The following CORO1C variants were observed in gnomAD, a reference collection of about 807,000 sequenced individuals.
CORO1C encodes the protein coronin-1C.
In CORO1C, 14 loss-of-function variants were observed where a neutral mutation model predicts 51.2. The observed-to-expected ratio is 0.27, with a 90% CI of 0.18 to 0.43. The LOEUF (loss-of-function observed/expected upper bound fraction) is 0.43, where lower values mean the gene tolerates loss of function less well. Ranked by LOEUF, CORO1C falls within the 20% of genes least tolerant of loss-of-function variation. The pLI, the probability that CORO1C is intolerant of heterozygous loss-of-function variation, is 1.00. For synonymous variants in CORO1C, 181 were observed against 210.5 expected (o/e 0.86, Z 1.21); for missense variants, 417 against 607.8 (o/e 0.69, Z 3.30).
At chr12:108,674,624 C>T (rs929571513) in intron 3 of CORO1C, among the ~76,000 whole-genome samples, 2 of 150,524 alleles carry the variant, frequency 1.3e-5, no homozygotes, top group Non-Finnish European at 2.9e-5. Flanking sequence ...ATTCATGATT[C>T]GTGGAAGGAG....
chr12:108,684,061 T>G (rs1224187422), intron 2 of CORO1C, among the ~76,000 whole-genome samples: 2 of 152,088 alleles, frequency 1.3e-5, no homozygotes, highest in Non-Finnish European at 2.9e-5. Context: ...ACAGACAAGT[T>G]ACAAAGTGCA....
intron 1 of CORO1C, among the ~76,000 whole-genome samples, chr12:108,709,386 C>T (rs1478373185): frequency 6.6e-6 from 1 of 152,124 alleles, no homozygotes; most frequent in African/African-American, 2.4e-5. Flanking sequence ...GAACCGGCAC[C>T]ACTTATCAAG....
chr12:108,649,381 G>T (rs1459235472), intron 8 of CORO1C: 2 of 309,222 alleles, frequency 6.5e-6, no homozygotes, highest in South Asian at 7.4e-5. Flanking sequence ...CTACAGGAGA[G>T]AACACACATC....
chr12:108,725,982 G>A (rs1012860699), intron 1 of CORO1C, among the ~76,000 whole-genome samples: 5 of 151,924 alleles, frequency 3.3e-5, no homozygotes, highest in African/African-American at 9.6e-5. Flanking sequence ...GACTACAGGC[G>A]CGTGCCACCA....
At chr12:108,710,166 C>T (rs1409285308) in intron 1 of CORO1C, among the ~76,000 whole-genome samples, 4 of 152,094 alleles carry the variant, frequency 2.6e-5, no homozygotes, top group Non-Finnish European at 4.4e-5. Context: ...AATTGATACA[C>T]CTTTGAGACA....
chr12:108,705,166 T>C (rs1033872366), intron 1 of CORO1C, among the ~76,000 whole-genome samples: 4 of 151,984 alleles, frequency 2.6e-5, no homozygotes, highest in African/African-American at 9.7e-5. Context: ...ATTCACAAAA[T>C]GAAGGGAATG....
intron 4 of CORO1C, 78 bp downstream of exon 4, chr12:108,661,951 A>G: frequency 1.3e-6 from 2 of 1,557,412 alleles, no homozygotes; most frequent in Non-Finnish European, 1.8e-6. Flanking sequence ...GCACACAACC[A>G]AAACACATTT....
chr12:108,729,449 T>C (rs1454524011), intron 1 of CORO1C, among the ~76,000 whole-genome samples: 6 of 152,174 alleles, frequency 3.9e-5, no homozygotes, highest in Non-Finnish European at 7.4e-5. Flanking sequence ...TCAAAATAAA[T>C]ATGGACAAGA....
chr12:108,649,052 T>A lies in CORO1C; in HGVS notation c.1002-32A>T, dbSNP rs769792981. 6.2e-6 allele frequency: 10 copies of A among 1,609,112 alleles called. No homozygotes were observed. In the South Asian group the frequency reaches 1.1e-4, roughly 18 times the overall value. ...AGGGGAAATAAAGGCAAAGTTGCATTAAGTGAAATATGAGGCTGACTAACA... is the reference window on the plus strand; with the variant it reads ...AGGGGAAATAAAGGCAAAGTTGCATAAAGTGAAATATGAGGCTGACTAACA... On this transcript the variant is annotated intron_variant, in intron 8 of 10. Coordinates refer to ENST00000261401, the MANE Select transcript of CORO1C (RefSeq NM_014325.4).
intron 1 of CORO1C, among the ~76,000 whole-genome samples, chr12:108,711,242 C>A (rs1449783238): frequency 6.6e-6 from 1 of 151,836 alleles, no homozygotes; most frequent in Non-Finnish European, 1.5e-5. Context: ...TTGTAGTATA[C>A]CCCTGCGGTC....
chr12:108,690,380 C>T (rs1391790416), intron 2 of CORO1C, among the ~76,000 whole-genome samples: 1 of 152,136 alleles, frequency 6.6e-6, no homozygotes, highest in African/African-American at 2.4e-5. Context: ...GGAGTATGGG[C>T]CTACAGAGAC....
intron 6 of CORO1C, among the ~76,000 whole-genome samples, chr12:108,656,471 T>A (rs1165649186): frequency 1.3e-5 from 2 of 149,352 alleles, no homozygotes; most frequent in Non-Finnish European, 3.0e-5. Flanking sequence ...ATCCGGGAGG[T>A]GGGGGGCGCC....
intron 1 of CORO1C, among the ~76,000 whole-genome samples, chr12:108,724,798 G>A (rs2035549560): frequency 6.6e-6 from 1 of 152,126 alleles, no homozygotes; most frequent in African/African-American, 2.4e-5. Flanking sequence ...CCCATTTATA[G>A]TCTCTCTCAC....
intron 5 of CORO1C, 112 bp from the exon 6 acceptor site, chr12:108,657,535 G>A: frequency 8.7e-7 from 1 of 1,146,526 alleles, no homozygotes; most frequent in East Asian, 2.4e-5. Flanking sequence ...TCACCTGGGT[G>A]TGGGAGGGAG....
intron 1 of CORO1C, chr12:108,701,819 C>A (rs2034879910): frequency 5.7e-6 from 1 of 176,988 alleles, no homozygotes. Flanking sequence ...GACATCAACA[C>A]TCTGCTGTCT....
chr12:108,707,484 T>C (rs2035060345), intron 1 of CORO1C, among the ~76,000 whole-genome samples: 1 of 152,040 alleles, frequency 6.6e-6, no homozygotes, highest in Admixed American at 6.6e-5. Flanking sequence ...AATAGCTAAC[T>C]CAAAATAGAT....
intron 3 of CORO1C, among the ~76,000 whole-genome samples, chr12:108,674,023 G>A (rs142647034): frequency 7.2e-4 from 110 of 151,838 alleles, no homozygotes; most frequent in African/African-American, 2.4e-3. Flanking sequence ...GAGAACCACC[G>A]ATCAGGAAAA....
intron 3 of CORO1C, among the ~76,000 whole-genome samples, chr12:108,662,404 C>T (rs756380690): frequency 3.9e-5 from 6 of 151,980 alleles, no homozygotes; most frequent in African/African-American, 1.4e-4. Flanking sequence ...TGCAGTGGCG[C>T]GATCTCGGCT....
intron 3 of CORO1C, among the ~76,000 whole-genome samples, chr12:108,667,614 G>A (rs1267720205): frequency 6.6e-6 from 1 of 152,192 alleles, no homozygotes; most frequent in Non-Finnish European, 1.5e-5. Context: ...GAGCTGTGGT[G>A]GCTCAGGCCT....
Sources: gnomAD v4.1 joint callset for allele counts (sites outside exome capture counted in the v4.1 genomes callset) on GRCh38, gnomAD v4.1.1 for gene constraint, MANE v1.5 for transcripts, NCBI Gene and HGNC (gene_info 2026-07-23, HGNC 2026-07-21) for gene names.